The following FANCL variants were observed in gnomAD, a reference collection of about 807,000 sequenced individuals.
FANCL encodes the protein FA complementation group L, also known as E3 ubiquitin-protein ligase FANCL.
A neutral mutation model predicts 59.4 loss-of-function variants in FANCL; 69 were observed. That is an observed-to-expected ratio of 1.16 (90% CI 0.96 to 1.42). The LOEUF (loss-of-function observed/expected upper bound fraction) is 1.42. FANCL is among the 40% of genes most tolerant of loss of function. The pLI is 0.00. For synonymous variants in FANCL, 180 were observed against 147.1 expected, an observed-to-expected ratio of 1.22 and a Z score of -1.62; for missense variants, 519 against 447.2, an observed-to-expected ratio of 1.16 and a Z score of -1.45.
intron 1 of FANCL, among the ~76,000 whole-genome samples, chr2:58,235,792 T>C (rs908338713): frequency 2.0e-5 from 3 of 151,968 alleles, no homozygotes; most frequent in Admixed American, 6.6e-5. Context: ...GCGTACTAAA[T>C]AGAGACAGGA....
chr2:58,166,424 A>G (rs1028668719), intron 7 of FANCL, among the ~76,000 whole-genome samples: 8 of 152,226 alleles, frequency 5.3e-5, no homozygotes, highest in African/African-American at 1.9e-4. Flanking sequence ...GGTACAAATG[A>G]TGTTTTTCCA....
Position 58,159,749 on chromosome 2 carries a change from ATGT to A in FANCL, c.*13_*15del, listed in dbSNP as rs1274343654. On this transcript the variant is annotated 3_prime_UTR_variant, in exon 14 of 14. Coordinates refer to ENST00000233741, the MANE Select transcript of FANCL (RefSeq NM_018062.4). ...TTTAAGTTTCCAGCTCTTCACCGAA[ATGT>A]TGTATTCTTATTTCAGTGTTTCCTT... The A allele has an allele frequency of 1.1e-5, 18 of 1,613,112 alleles. No homozygotes were observed. Among genetic ancestry groups the A allele is most frequent in the Non-Finnish European group, 1.5e-5 (18 of 1,179,600 alleles).
intron 7 of FANCL, among the ~76,000 whole-genome samples, chr2:58,196,159 T>C (rs1255139705): frequency 2.0e-5 from 3 of 151,970 alleles, no homozygotes; most frequent in African/African-American, 7.2e-5. Context: ...CATAAACAAA[T>C]ATGGCAAAAA....
chr2:58,178,907 C>T (rs1687643091), intron 7 of FANCL, among the ~76,000 whole-genome samples: 1 of 152,120 alleles, frequency 6.6e-6, no homozygotes, highest in African/African-American at 2.4e-5. Flanking sequence ...AATCAATGTA[C>T]AAAAATCACA....
intron 2 of FANCL, among the ~76,000 whole-genome samples, chr2:58,230,231 T>C (rs1281927581): frequency 1.3e-5 from 2 of 152,236 alleles, no homozygotes; most frequent in East Asian, 3.8e-4. Context: ...GTATCAAACA[T>C]GTATTTGAAA....
chr2:58,217,552 G>C (rs1206850497), intron 5 of FANCL, among the ~76,000 whole-genome samples: 1 of 152,000 alleles, frequency 6.6e-6, no homozygotes, highest in South Asian at 2.1e-4. Flanking sequence ...AGCTTGTGTA[G>C]TTATAACAAA....
intron 5 of FANCL, among the ~76,000 whole-genome samples, chr2:58,216,863 G>A (rs924680665): frequency 2.6e-5 from 4 of 151,760 alleles, no homozygotes; most frequent in African/African-American, 9.7e-5. Context: ...GGTAAAGCGG[G>A]TGAGGAGAAG....
At chr2:58,225,230 A>G (rs920255099) in intron 4 of FANCL, among the ~76,000 whole-genome samples, 34 of 150,054 alleles carry the variant, frequency 2.3e-4, no homozygotes, top group African/African-American at 7.8e-4. Context: ...AGATACTTTA[A>G]AAAAAAAAAC....
intron 12 of FANCL, 140 bp from the exon 13 acceptor site, chr2:58,160,319 G>C (rs184497995): frequency 4.8e-6 from 4 of 837,246 alleles, no homozygotes; most frequent in African/African-American, 1.7e-5. Context: ...CAAGAGTAAG[G>C]GATGTATTTC....
intron 1 of FANCL, among the ~76,000 whole-genome samples, chr2:58,240,601 G>A (rs933624609): frequency 3.9e-5 from 6 of 152,276 alleles, no homozygotes; most frequent in Middle Eastern, 6.8e-3. Flanking sequence ...CCTGGAAAGC[G>A]CTTTGTAAAC....
At chr2:58,169,306 A>G (rs1299310839) in intron 7 of FANCL, among the ~76,000 whole-genome samples, 1 of 152,208 alleles carries the variant, frequency 6.6e-6, no homozygotes, top group Non-Finnish European at 1.5e-5. Flanking sequence ...GCAGACCTGC[A>G]GCAGAGGGGT....
chr2:58,226,735 ATCT>A lies in FANCL; in HGVS notation c.263_265del (p.Lys88del), dbSNP rs1693043075. 6.2e-7 allele frequency: 1 copy of A among 1,613,144 alleles called. No homozygotes were observed. The highest frequency in any genetic ancestry group is 2.2e-5 in the East Asian group (1 of 44,786). The stretch of plus-strand genomic sequence containing the variant: ...AAAAAAAAAAATTCTTACCAAAAGC[ATCT>A]TCAACTCCATCATAAAGCTCATTAG... On this transcript the variant is annotated inframe_deletion, in exon 4 of 14. Transcript: ENST00000233741.
At position 58,232,118 on chromosome 2, in the gene FANCL, GA is replaced by G. The variant is rs772237253; in HGVS notation, c.97-7del. The G allele has an allele frequency of 1.2e-6, 2 of 1,611,104 alleles. No individual in the cohort carries two copies. Among genetic ancestry groups the G allele is most frequent in the South Asian group, 2.2e-5 (2 of 90,998 alleles). On this transcript the variant is annotated splice_polypyrimidine_tract_variant and splice_region_variant and intron_variant, in intron 1 of 13. Coordinates refer to ENST00000233741, the MANE Select transcript of FANCL (RefSeq NM_018062.4). ...CTAAGGTGGAAGTCTCTTCCCTGTG[GA>G]AAATATTGAAAAGGATCACTCAAAT...
intron 7 of FANCL, among the ~76,000 whole-genome samples, chr2:58,168,230 T>C (rs992871076): frequency 1.3e-5 from 2 of 152,156 alleles, no homozygotes; most frequent in Non-Finnish European, 1.5e-5. Context: ...AGGTGATTTC[T>C]GCATTTCCAA....
chr2:58,219,153 AAAAAAAAAAAAAAAAAAAATATATAT>A (rs1464983173), intron 5 of FANCL, among the ~76,000 whole-genome samples: 1 of 73,940 alleles, frequency 1.4e-5, no homozygotes, highest in African/African-American at 8.6e-5. Context: ...AAAAAAAAAA[AAAAAAAAAAAAAAAAAAAATATATAT>A]ATATATATAT....
chr2:58,222,517 C>T (rs1207441585), intron 4 of FANCL, among the ~76,000 whole-genome samples: 1 of 151,924 alleles, frequency 6.6e-6, no homozygotes, highest in African/African-American at 2.4e-5. Flanking sequence ...AACAAATATC[C>T]ACATGCTAAT....
intron 5 of FANCL, among the ~76,000 whole-genome samples, chr2:58,213,859 G>A (rs75366675): frequency 4.6e-5 from 7 of 151,928 alleles, no homozygotes; most frequent in African/African-American, 1.2e-4. Flanking sequence ...CATTTTATTC[G>A]TGGTAAGATA....
intron 5 of FANCL, among the ~76,000 whole-genome samples, chr2:58,216,329 AAAT>A (rs1466848231): frequency 6.6e-6 from 1 of 152,162 alleles, no homozygotes; most frequent in Non-Finnish European, 1.5e-5. Context: ...GTACAGAAGA[AAAT>A]AATATCATCT....
intron 5 of FANCL, among the ~76,000 whole-genome samples, chr2:58,220,429 G>A (rs1373855136): frequency 2.0e-5 from 3 of 152,140 alleles, no homozygotes; most frequent in African/African-American, 7.2e-5. Context: ...AAGAGAAACT[G>A]TTCTAAATAA....
Sources: allele counts gnomAD v4.1 joint callset (sites outside exome capture counted in the v4.1 genomes callset), GRCh38; gene constraint gnomAD v4.1.1; transcripts MANE v1.5; gene names NCBI Gene and HGNC (gene_info 2026-07-23, HGNC 2026-07-21).